Variants in DNAH6 observed in about 807,000 individuals in gnomAD.
The protein encoded by DNAH6 is dynein axonemal heavy chain 6.
DNAH6 carries 340 observed loss-of-function variants against 491.4 expected under a neutral mutation model. The ratio of observed to expected loss-of-function variants is 0.69; its 90% confidence interval spans 0.63 to 0.76. The LOEUF is 0.76. Ranked by LOEUF, DNAH6 falls within the 30% of genes least tolerant of loss-of-function variation. The pLI is 0.00. For synonymous variants in DNAH6, 1,603 were observed against 1,686.1 expected, an observed-to-expected ratio of 0.95 and a Z score of 1.21; for missense variants, 4,443 against 4,972.2, an observed-to-expected ratio of 0.89 and a Z score of 3.20.
At chr2:84,675,104 G>A (rs1206718737) in intron 40 of DNAH6, among the ~76,000 whole-genome samples, 1 of 152,064 alleles carries the variant, frequency 6.6e-6, no homozygotes, top group Non-Finnish European at 1.5e-5. Flanking sequence ...TTGCTCACAG[G>A]GCCTTTCCTT....
intron 71 of DNAH6, among the ~76,000 whole-genome samples, chr2:84,806,287 A>G (rs1178522269): frequency 6.6e-6 from 1 of 152,164 alleles, no homozygotes; most frequent in Non-Finnish European, 1.5e-5. Context: ...TAGAAGACAT[A>G]TGGCTAAATT....
At chr2:84,522,590 G>A (rs956744289) in intron 2 of DNAH6, among the ~76,000 whole-genome samples, 2 of 152,084 alleles carry the variant, frequency 1.3e-5, no homozygotes, top group Non-Finnish European at 2.9e-5. Flanking sequence ...TAACAATTGA[G>A]TGTGATGTTG....
chr2:84,538,045 A>T (rs925842375), intron 4 of DNAH6, among the ~76,000 whole-genome samples: 1 of 152,144 alleles, frequency 6.6e-6, no homozygotes, highest in East Asian at 1.9e-4. Context: ...GGATTGATAT[A>T]CCCATTTTAC....
chr2:84,762,981 G>A lies in DNAH6; in HGVS notation c.10703+36G>A, dbSNP rs75539223. On this transcript the variant is annotated intron_variant, in intron 64 of 76. Transcript: ENST00000389394. Reference sequence around the variant, plus strand: ...GTTGTGCAGTTTTAATAATGCAAATGCATATGAACATCTCTTTGTTAAAAT... The same window carrying A: ...GTTGTGCAGTTTTAATAATGCAAATACATATGAACATCTCTTTGTTAAAAT... The A allele has an allele frequency of 4.2e-3, 6,192 of 1,467,630 alleles. 17 individuals carry two copies. Among genetic ancestry groups the A allele is most frequent in the Non-Finnish European group, 5.2e-3 (5,580 of 1,073,562 alleles). The allele number at this position is 1,467,630 out of a possible 1,614,324, so 90.9% of individuals were successfully genotyped here. A position where few individuals can be genotyped will look rare whatever the true frequency, so the allele number is the denominator to read the frequency against.
At chr2:84,727,424 T>G (rs1698739838) in intron 60 of DNAH6, among the ~76,000 whole-genome samples, 3 of 152,182 alleles carry the variant, frequency 2.0e-5, no homozygotes, top group African/African-American at 7.2e-5. Context: ...CCAATTTTTT[T>G]GGTCTCATCA....
Position 84,624,556 on chromosome 2 carries a change from C to T in DNAH6, c.4289C>T (p.Ser1430Phe). ...AATTGTGTGGCTAGAATGGCGCTCTCTCAGTACACTTATGGCTATGAATAT... is the reference window on the plus strand; with the variant it reads ...AATTGTGTGGCTAGAATGGCGCTCTTTCAGTACACTTATGGCTATGAATAT... ...LDNCVARMALSQYTYGYEYLG... is the reference protein window; with the variant it reads ...LDNCVARMALFQYTYGYEYLG... The change falls in exon 28 of 77, where the codon TCT becomes TTT. Residue 1430 changes from serine (S) to phenylalanine (F), a missense_variant. By Grantham distance (155) the Ser-to-Phe change is radical. Transcript: ENST00000389394. 2.6e-6 allele frequency: 4 copies of T among 1,551,684 alleles called. No homozygotes were observed. Among genetic ancestry groups the T allele is most frequent in the Non-Finnish European group, 3.5e-6 (4 of 1,146,954 alleles).
Position 84,727,676 on chromosome 2 carries a change from A to G in DNAH6, c.9980A>G (p.Asn3327Ser). 6.5e-7 allele frequency: 1 copy of G among 1,544,600 alleles called. No homozygotes were observed. The highest frequency in any genetic ancestry group is 1.2e-5 in the South Asian group (1 of 83,910). ...GAGCTCTCTTTCACACAGTTGTTCA[A>G]TACCACCATTGAAACTTCTGTAAAG... ...YSLKYFKQLF[N>S]TTIETSVKTE... Residue 3327 changes from asparagine (N) to serine (S), a missense_variant, in exon 61 of 77, where the codon AAT (asparagine) becomes AGT (serine). Physicochemically the swap from Asn to Ser is conservative, Grantham distance 46. Coordinates refer to ENST00000389394, the MANE Select transcript of DNAH6 (RefSeq NM_001370.2).
At chr2:84,464,774 C>T in the DNAH6 span, among the ~76,000 whole-genome samples, 41 of 152,196 alleles carry the variant, frequency 2.7e-4, no homozygotes, top group East Asian at 6.6e-3. Context: ...TGGGTTTTGG[C>T]TAGCTCCTTT....
chr2:84,766,002 A>G (rs1003226753), intron 64 of DNAH6, among the ~76,000 whole-genome samples: 8 of 152,132 alleles, frequency 5.3e-5, no homozygotes, highest in African/African-American at 1.9e-4. Context: ...ATACAAAACA[A>G]TCCACAAAGA....
intron 63 of DNAH6, among the ~76,000 whole-genome samples, chr2:84,747,061 G>A (rs1392229734): frequency 6.6e-6 from 1 of 152,072 alleles, no homozygotes; most frequent in Non-Finnish European, 1.5e-5. Flanking sequence ...TTTCAATATT[G>A]GGGATCACAT....
At chr2:84,651,266 G>A (rs562341739) in intron 33 of DNAH6, among the ~76,000 whole-genome samples, 4 of 152,238 alleles carry the variant, frequency 2.6e-5, no homozygotes, top group Admixed American at 2.0e-4. Flanking sequence ...GGAAGTCCAG[G>A]CTTCCCATAT....
chr2:84,460,992 C>T, the DNAH6 span, among the ~76,000 whole-genome samples: 7 of 152,000 alleles, frequency 4.6e-5, no homozygotes, highest in Admixed American at 3.9e-4. Context: ...ATTGGAGGTC[C>T]GAAGAAACTC....
Position 84,701,123 on chromosome 2 carries a change from G to T in DNAH6, c.7845G>T (p.Val2615=), listed in dbSNP as rs561941960. Reference sequence around the variant, plus strand: ...GGCCCAGAGAAGCACTTCTTTCTGTGTCAAAGACATTTTTCTCACAAGTCG... The same window carrying T: ...GGCCCAGAGAAGCACTTCTTTCTGTTTCAAAGACATTTTTCTCACAAGTCG... ...VQWPREALLS[V]SKTFFSQVDA... The change falls in exon 49 of 77, where the codon GTG becomes GTT. Residue 2615 remains valine, a synonymous_variant. Transcript: ENST00000389394. 6.4e-7 allele frequency: 1 copy of T among 1,551,682 alleles called. No individual in the cohort carries two copies. The highest frequency in any genetic ancestry group is 1.4e-5 in the African/African-American group (1 of 73,030).
intron 9 of DNAH6, among the ~76,000 whole-genome samples, chr2:84,551,354 A>C (rs1679339279): frequency 6.6e-6 from 1 of 151,486 alleles, no homozygotes; most frequent in African/African-American, 2.4e-5. Flanking sequence ...AGAAATATAC[A>C]AAGAAAAGCA....
At chr2:84,669,654 AT>A in intron 38 of DNAH6, 144 bp downstream of exon 38, 1 of 721,658 alleles carries the variant, frequency 1.4e-6, no homozygotes, top group East Asian at 2.7e-5. Context: ...ATTATGCTGA[AT>A]CTATATTGAT....
intron 16 of DNAH6, 57 bp from the exon 17 acceptor site, chr2:84,593,915 A>T: frequency 1.0e-6 from 1 of 996,484 alleles, no homozygotes; most frequent in Non-Finnish European, 1.5e-6. Flanking sequence ...GGAGAATAGC[A>T]TATGCTCATT....
the DNAH6 span, among the ~76,000 whole-genome samples, chr2:84,487,275 A>G: frequency 6.6e-6 from 1 of 152,218 alleles, no homozygotes; most frequent in Non-Finnish European, 1.5e-5. Flanking sequence ...TATTTCGAGG[A>G]TCCAATGTGC....
At chr2:84,716,576 T>G (rs1697556342) in intron 58 of DNAH6, among the ~76,000 whole-genome samples, 1 of 152,228 alleles carries the variant, frequency 6.6e-6, no homozygotes, top group African/African-American at 2.4e-5. Context: ...CTAACTTGCT[T>G]ACCTTCCACT....
intron 29 of DNAH6, 62 bp downstream of exon 29, chr2:84,625,125 C>T: frequency 7.4e-7 from 1 of 1,360,418 alleles, no homozygotes; most frequent in South Asian, 1.9e-5. Context: ...CTATTTGCAA[C>T]ATGACATAAC....
Sources: allele counts gnomAD v4.1 joint callset (sites outside exome capture counted in the v4.1 genomes callset), GRCh38; gene constraint gnomAD v4.1.1; transcripts MANE v1.5; gene names NCBI Gene and HGNC (gene_info 2026-07-23, HGNC 2026-07-21).